FRMD4A: variants seen among roughly 807,000 people sequenced by gnomAD.
FRMD4A encodes FERM domain containing 4A.
FRMD4A carries 29 observed loss-of-function variants against 129.1 expected under a neutral mutation model. The observed-to-expected ratio is 0.22, with a 90% CI of 0.17 to 0.31. The LOEUF is 0.31. FRMD4A is among the 10% of genes least tolerant of loss of function. The pLI is 1.00. For missense variants in FRMD4A, 1,272 were observed against 1,375.8 expected (o/e 0.92, Z 1.19); for synonymous variants, 634 against 571.6 (o/e 1.11, Z -1.56).
At chr10:14,129,455 G>A (rs1297580992) in intron 2 of FRMD4A, among the ~76,000 whole-genome samples, 1 of 138,460 alleles carries the variant, frequency 7.2e-6, no homozygotes, top group African/African-American at 2.6e-5. Context: ...ATTTAGAAAC[G>A]AGCTTAAGAT....
intron 2 of FRMD4A, among the ~76,000 whole-genome samples, chr10:14,097,891 C>T (rs1432903907): frequency 4.1e-5 from 6 of 145,098 alleles, no homozygotes; most frequent in African/African-American, 1.5e-4. Flanking sequence ...ATATAATTTA[C>T]AATATGCATT....
At chr10:13,760,119 T>G (rs1213568093) in intron 8 of FRMD4A, among the ~76,000 whole-genome samples, 1 of 152,134 alleles carries the variant, frequency 6.6e-6, no homozygotes, top group Non-Finnish European at 1.5e-5. Context: ...TAAAGTTTTA[T>G]TGGAACACAA....
intron 3 of FRMD4A, among the ~76,000 whole-genome samples, chr10:13,854,871 C>T (rs566974699): frequency 1.3e-5 from 2 of 152,306 alleles, no homozygotes; most frequent in African/African-American, 2.4e-5. Context: ...AGGCTGCAGG[C>T]ATGCTCTGGG....
At chr10:13,991,080 C>T (rs2095601617) in intron 2 of FRMD4A, among the ~76,000 whole-genome samples, 1 of 152,206 alleles carries the variant, frequency 6.6e-6, no homozygotes, top group Admixed American at 6.5e-5. Flanking sequence ...TTTCCTAAAA[C>T]ACTGTGCTTG....
chr10:14,316,031 C>T (rs1331504338), intron 2 of FRMD4A, among the ~76,000 whole-genome samples: 1 of 152,186 alleles, frequency 6.6e-6, no homozygotes, highest in Non-Finnish European at 1.5e-5. Context: ...CTGTTGATTG[C>T]CTATGCAGCA....
intron 3 of FRMD4A, among the ~76,000 whole-genome samples, chr10:13,853,686 A>G (rs1345788742): frequency 2.0e-5 from 3 of 152,006 alleles, no homozygotes; most frequent in South Asian, 4.2e-4. Flanking sequence ...ATACAAAAGT[A>G]GCTGGGCATG....
At chr10:13,772,994 G>T (rs2092501177) in intron 6 of FRMD4A, among the ~76,000 whole-genome samples, 1 of 152,180 alleles carries the variant, frequency 6.6e-6, no homozygotes, top group African/African-American at 2.4e-5. Context: ...GCTTGAGGGG[G>T]TGGATACCCC....
chr10:14,321,574 A>G (rs1001717284), intron 2 of FRMD4A, among the ~76,000 whole-genome samples: 1 of 152,158 alleles, frequency 6.6e-6, no homozygotes, highest in Non-Finnish European at 1.5e-5. Flanking sequence ...CCAGATCTGT[A>G]AGTGAGTAAT....
At chr10:13,748,031 G>A (rs755305249) in intron 8 of FRMD4A, among the ~76,000 whole-genome samples, 28 of 152,168 alleles carry the variant, frequency 1.8e-4, no homozygotes, top group African/African-American at 3.1e-4. Context: ...GCCTTTCACC[G>A]TGCAGAAAGC....
chr10:13,727,042 A>C (rs1050442725), intron 12 of FRMD4A, among the ~76,000 whole-genome samples: 3 of 152,128 alleles, frequency 2.0e-5, no homozygotes, highest in African/African-American at 4.8e-5. Context: ...AGCTGGGATT[A>C]CAGGCACATG....
chr10:13,701,452 C>T lies in FRMD4A; in HGVS notation c.863G>A (p.Gly288Glu). The T allele has an allele frequency of 6.2e-7, 1 of 1,613,794 alleles. No homozygotes were observed. Among genetic ancestry groups the T allele is most frequent in the Non-Finnish European group, 8.5e-7 (1 of 1,179,740 alleles). ...CGTGTGCACTGCAATGCCGCTGTGC[C>T]CAAACGTCCTCCTTGTCACTGAAGC... ...RRASVTRRTF[G>E]HSGIAVHTWY... The change falls in exon 14 of 25, where the codon GGG (glycine) becomes GAG (glutamate). Residue 288 changes from glycine (G) to glutamate (E), a missense_variant. This residue lies in a region of FRMD4A where 300 missense variants were observed against 483.6 expected (regional missense o/e 0.62). Coordinates refer to ENST00000357447, the MANE Select transcript of FRMD4A (RefSeq NM_018027.5).
chr10:13,766,273 T>C (rs922536100), intron 6 of FRMD4A, among the ~76,000 whole-genome samples: 1 of 152,166 alleles, frequency 6.6e-6, no homozygotes, highest in African/African-American at 2.4e-5. Context: ...TGATTCAACT[T>C]CTCTCTCACC....
At chr10:13,669,282 G>T (rs576565656) in intron 17 of FRMD4A, among the ~76,000 whole-genome samples, 1 of 152,042 alleles carries the variant, frequency 6.6e-6, no homozygotes, top group Non-Finnish European at 1.5e-5. Flanking sequence ...GGCTGGTCTC[G>T]AACTCCTGAC....
chr10:13,901,427 A>G (rs2131194096), intron 2 of FRMD4A, among the ~76,000 whole-genome samples: 1 of 152,226 alleles, frequency 6.6e-6, no homozygotes, highest in South Asian at 2.1e-4. Context: ...CCTGGCCAAC[A>G]TGGTGAAACC....
intron 2 of FRMD4A, among the ~76,000 whole-genome samples, chr10:14,053,138 G>A (rs1383566955): frequency 6.6e-6 from 1 of 152,160 alleles, no homozygotes; most frequent in Non-Finnish European, 1.5e-5. Context: ...AGATGGTGGG[G>A]CCAGGACCAC....
At chr10:14,019,518 C>T (rs73591228) in intron 2 of FRMD4A, among the ~76,000 whole-genome samples, 3,163 of 152,190 alleles carry the variant, frequency 0.021, 112 homozygotes, top group African/African-American at 0.073. Context: ...GGGGAAGAGA[C>T]ACATGTGTTT....
At chr10:13,998,382 G>A (rs2095630451) in intron 2 of FRMD4A, among the ~76,000 whole-genome samples, 1 of 152,130 alleles carries the variant, frequency 6.6e-6, no homozygotes, top group Non-Finnish European at 1.5e-5. Flanking sequence ...CACATAATTG[G>A]CTCTGGAGAG....
intron 3 of FRMD4A, among the ~76,000 whole-genome samples, chr10:13,848,628 G>A (rs2094093245): frequency 7.2e-6 from 1 of 137,962 alleles, no homozygotes; most frequent in East Asian, 2.0e-4. Context: ...GTGTGTGTGT[G>A]TGTGTGTGTG....
intron 12 of FRMD4A, among the ~76,000 whole-genome samples, chr10:13,734,311 A>G (rs2090496258): frequency 6.6e-6 from 1 of 152,048 alleles, no homozygotes; most frequent in South Asian, 2.1e-4. Flanking sequence ...CCAGCCTCCA[A>G]GCAGTTTCCG....
Sources: gnomAD v4.1 joint callset for allele counts (sites outside exome capture counted in the v4.1 genomes callset) on GRCh38, gnomAD v4.1.1 for gene constraint, gnomAD v4.1.1 regional missense constraint, MANE v1.5 for transcripts, NCBI Gene and HGNC (gene_info 2026-07-23, HGNC 2026-07-21) for gene names.